Variants in CCDC171 observed in about 807,000 individuals in gnomAD.
CCDC171 encodes coiled-coil domain containing 171.
A neutral mutation model predicts 168.2 loss-of-function variants in CCDC171; 177 were observed. The ratio of observed to expected loss-of-function variants is 1.05; its 90% confidence interval spans 0.93 to 1.19. The LOEUF (loss-of-function observed/expected upper bound fraction) is 1.19. CCDC171 is among the 50% of genes most tolerant of loss of function. CCDC171 has a pLI of 0.00. For missense variants in CCDC171, 1,991 were observed against 1,539.0 expected, an observed-to-expected ratio of 1.29 and a Z score of -4.91; for synonymous variants, 687 against 540.8, an observed-to-expected ratio of 1.27 and a Z score of -3.75.
At chr9:15,989,557 A>G (rs951754727) in intron 3 of CCDC171, among the ~76,000 whole-genome samples, 2 of 152,200 alleles carry the variant, frequency 1.3e-5, no homozygotes, top group African/African-American at 4.8e-5. Flanking sequence ...CTTGCCAGCA[A>G]CAGAACAAAA....
intron 7 of CCDC171, among the ~76,000 whole-genome samples, chr9:15,627,527 T>G (rs759348511): frequency 7.2e-5 from 11 of 152,236 alleles, no homozygotes; most frequent in Non-Finnish European, 1.3e-4. Context: ...GTCTTTGTTC[T>G]CATTGGTTTC....
intron 16 of CCDC171, among the ~76,000 whole-genome samples, chr9:15,742,718 A>G (rs745861386): frequency 6.6e-6 from 1 of 152,206 alleles, no homozygotes. Context: ...GCAACCTGGA[A>G]TATCTCTATC....
chr9:15,658,739 AG>A (rs2048114399), intron 8 of CCDC171, among the ~76,000 whole-genome samples: 1 of 152,146 alleles, frequency 6.6e-6, no homozygotes, highest in South Asian at 2.1e-4. Flanking sequence ...AAGTTAGAAA[AG>A]GCAAGACAAG....
chr9:15,794,927 T>C (rs537662207), intron 21 of CCDC171, among the ~76,000 whole-genome samples: 1 of 152,346 alleles, frequency 6.6e-6, no homozygotes, highest in East Asian at 1.9e-4. Context: ...GTAATGTATG[T>C]TTCTCCTACT....
At position 15,629,354 on chromosome 9, in the gene CCDC171, C is replaced by T. The variant is rs543888598; in HGVS notation, c.822+5941C>T. ...TAAAGGAGGTGATGGAGCTGAAAGC[C>T]AAGGCTCGAGAACTACGTGAAGAAT... On this transcript the variant is annotated intron_variant, in intron 7 of 25. Coordinates refer to ENST00000380701, the MANE Select transcript of CCDC171 (RefSeq NM_173550.4). Among the ~76,000 whole-genome samples, 30 of 152,216 alleles carry T rather than the reference C, an allele frequency of 2.0e-4. No individual in the cohort carries two copies. In the South Asian group the frequency reaches 6.0e-3, roughly 31 times the overall value.
At chr9:15,853,231 T>G (rs112447859) in intron 23 of CCDC171, among the ~76,000 whole-genome samples, 12 of 151,826 alleles carry the variant, frequency 7.9e-5, no homozygotes, top group African/African-American at 2.9e-4. Flanking sequence ...TTTCTACTTA[T>G]TTAGATCTTC....
intron 25 of CCDC171, among the ~76,000 whole-genome samples, chr9:15,963,286 C>A (rs1419437047): frequency 2.0e-5 from 3 of 151,906 alleles, no homozygotes; most frequent in Non-Finnish European, 4.4e-5. Context: ...ACATATGTAA[C>A]AAACCTGCAC....
At chr9:15,731,530 T>TA (rs2054151234) in intron 16 of CCDC171, among the ~76,000 whole-genome samples, 1 of 152,142 alleles carries the variant, frequency 6.6e-6, no homozygotes, top group African/African-American at 2.4e-5. Flanking sequence ...GTTGTGTGAA[T>TA]CAGTACTTCA....
At chr9:15,769,682 C>T (rs933267837) in intron 18 of CCDC171, among the ~76,000 whole-genome samples, 4 of 152,200 alleles carry the variant, frequency 2.6e-5, no homozygotes, top group African/African-American at 4.8e-5. Flanking sequence ...TCATCATAGT[C>T]TCCCCCGTAC....
At chr9:15,951,039 A>C (rs1307467233) in intron 25 of CCDC171, among the ~76,000 whole-genome samples, 1 of 149,588 alleles carries the variant, frequency 6.7e-6, no homozygotes, top group Non-Finnish European at 1.5e-5. Context: ...GCCATTACAT[A>C]ATGGTAAAGG....
intron 1 of CCDC171, among the ~76,000 whole-genome samples, chr9:15,560,808 C>T (rs1563940224): frequency 6.6e-6 from 1 of 151,710 alleles, no homozygotes; most frequent in East Asian, 1.9e-4. Flanking sequence ...GGGGGAGAGG[C>T]GCTCTGATTT....
intron 3 of CCDC171, among the ~76,000 whole-genome samples, chr9:16,002,123 C>G (rs1256981787): frequency 6.9e-6 from 1 of 145,936 alleles, no homozygotes; most frequent in African/African-American, 2.6e-5. Context: ...TCACCATGCC[C>G]AGCCTACTAT....
At chr9:15,781,753 T>C (rs539923846) in intron 20 of CCDC171, among the ~76,000 whole-genome samples, 30 of 152,204 alleles carry the variant, frequency 2.0e-4, no homozygotes, top group Non-Finnish European at 4.1e-4. Flanking sequence ...TTATAAGTTA[T>C]GAAGTACGTG....
chr9:16,000,523 C>CT (rs1212429260), intron 3 of CCDC171, among the ~76,000 whole-genome samples: 1 of 152,080 alleles, frequency 6.6e-6, no homozygotes, highest in Non-Finnish European at 1.5e-5. Flanking sequence ...CATCAGCAGA[C>CT]TGAGGTGGGG....
chr9:15,974,333 C>T (rs769087787), downstream of CCDC171, among the ~76,000 whole-genome samples: 3 of 152,148 alleles, frequency 2.0e-5, no homozygotes, highest in Admixed American at 6.6e-5. Context: ...TTCTAAGCAC[C>T]TTAGTGACCA....
chr9:15,971,417 AAAT>A (rs1217237221), intron 25 of CCDC171, among the ~76,000 whole-genome samples, 189 bp from the exon 26 acceptor site: 1 of 152,146 alleles, frequency 6.6e-6, no homozygotes, highest in Admixed American at 6.6e-5. Flanking sequence ...AGAAAAGAGT[AAAT>A]AAGGGATTCA....
intron 25 of CCDC171, among the ~76,000 whole-genome samples, chr9:15,924,049 A>G (rs1322718029): frequency 1.3e-5 from 2 of 151,604 alleles, no homozygotes; most frequent in South Asian, 4.1e-4. Context: ...ATAGATCTCT[A>G]TACACACCTT....
intron 1 of CCDC171, among the ~76,000 whole-genome samples, chr9:16,059,851 C>T (rs1833905454): frequency 6.6e-6 from 1 of 151,854 alleles, no homozygotes; most frequent in African/African-American, 2.4e-5. Context: ...TATTAAAAAA[C>T]TTGCAAGTGA....
At chr9:15,719,833 G>A (rs1231645419) in intron 11 of CCDC171, among the ~76,000 whole-genome samples, 3 of 151,950 alleles carry the variant, frequency 2.0e-5, no homozygotes, top group African/African-American at 7.2e-5. Context: ...TTTATTCATG[G>A]TCTACTTGTG....
Sources: gnomAD v4.1 joint callset for allele counts (sites outside exome capture counted in the v4.1 genomes callset) on GRCh38, gnomAD v4.1.1 for gene constraint, MANE v1.5 for transcripts, NCBI Gene and HGNC (gene_info 2026-07-23, HGNC 2026-07-21) for gene names.